DLC1: variants seen among roughly 807,000 people sequenced by gnomAD.
The protein encoded by DLC1 is rho GTPase-activating protein 7.
Under a neutral mutation model 140.3 loss-of-function variants are expected in DLC1, and 54 were observed. That is an observed-to-expected ratio of 0.38 (90% CI 0.31 to 0.48). DLC1 has a LOEUF of 0.48. DLC1 is among the 20% of genes least tolerant of loss of function. The probability of loss-of-function intolerance (pLI) is 0.96; values close to 1 mark genes in which losing one functional copy is unlikely to be tolerated. For synonymous variants in DLC1, 986 were observed against 728.1 expected (o/e 1.35, Z -5.70); for missense variants, 2,536 against 1,907.0 (o/e 1.33, Z -6.14).
chr8:13,196,458 AC>A (rs34824878), intron 5 of DLC1, among the ~76,000 whole-genome samples: 2,495 of 152,286 alleles, frequency 0.016, 20 homozygotes, highest in Middle Eastern at 0.034. Flanking sequence ...TCATTACTGC[AC>A]ATAGGCCATT....
At chr8:13,285,638 G>T (rs1829951617) in intron 5 of DLC1, among the ~76,000 whole-genome samples, 1 of 152,108 alleles carries the variant, frequency 6.6e-6, no homozygotes, top group Non-Finnish European at 1.5e-5. Flanking sequence ...AAATTAAAAA[G>T]ACTGACCATA....
chr8:13,167,065 GA>G (rs34838351), intron 5 of DLC1, among the ~76,000 whole-genome samples: 2 of 152,152 alleles, frequency 1.3e-5, no homozygotes, highest in Admixed American at 6.5e-5. Flanking sequence ...GAATGAACAT[GA>G]AAAAGGCCCT....
intron 5 of DLC1, among the ~76,000 whole-genome samples, chr8:13,173,032 C>T (rs1255547541): frequency 6.6e-6 from 1 of 152,184 alleles, no homozygotes; most frequent in African/African-American, 2.4e-5. Flanking sequence ...TTTGTCCTGG[C>T]ACAGTTAGGA....
chr8:13,107,950 G>A (rs1028916602), intron 7 of DLC1, among the ~76,000 whole-genome samples: 1 of 152,114 alleles, frequency 6.6e-6, no homozygotes, highest in Non-Finnish European at 1.5e-5. Context: ...GGGGGCTGAG[G>A]CAGAGAATTG....
chr8:13,188,608 T>TC (rs1346387937), intron 5 of DLC1, among the ~76,000 whole-genome samples: 2 of 140,934 alleles, frequency 1.4e-5, no homozygotes, highest in East Asian at 4.0e-4. Context: ...TATTACTTTT[T>TC]TTTTTTTTTT....
At chr8:13,480,170 C>A (rs1481695) in intron 2 of DLC1, among the ~76,000 whole-genome samples, 137,848 of 152,206 alleles carry the variant, frequency 0.91, 62,992 homozygotes, top group Non-Finnish European at 0.97. Context: ...AAATATCATC[C>A]AGTTTCTCAA....
chr8:13,226,413 A>G (rs1027706775), intron 5 of DLC1, among the ~76,000 whole-genome samples: 10 of 152,224 alleles, frequency 6.6e-5, no homozygotes, highest in African/African-American at 2.2e-4. Flanking sequence ...ACAGAGATCT[A>G]TCCTATTGCT....
chr8:13,115,557 AC>A, intron 6 of DLC1, 28 bp downstream of exon 6: 1 of 1,602,886 alleles, frequency 6.2e-7, no homozygotes, highest in Non-Finnish European at 8.5e-7. Context: ...GATTATGCCA[AC>A]TTTTAAAAAG....
At chr8:13,148,170 A>C (rs1440190549) in intron 5 of DLC1, among the ~76,000 whole-genome samples, 1 of 151,964 alleles carries the variant, frequency 6.6e-6, no homozygotes, top group African/African-American at 2.4e-5. Flanking sequence ...GACATAGGTA[A>C]ACTTGTTACA....
At chr8:13,584,437 T>C (rs1805231531) in intron 1 of DLC1, 1 of 152,548 alleles carries the variant, frequency 6.6e-6, no homozygotes, top group Non-Finnish European at 1.5e-5. Flanking sequence ...GTGTTGATCA[T>C]TTCTTGGAGA....
At chr8:13,408,404 T>G (rs289605) in intron 2 of DLC1, among the ~76,000 whole-genome samples, 140,860 of 152,250 alleles carry the variant, frequency 0.93, 65,297 homozygotes, top group East Asian at 0.97. Context: ...TTAAGACATG[T>G]TGAAGAAAAT....
In DLC1 at chr8:13,501,419, A is replaced by T. The variant is rs1015215786; in HGVS notation, c.-125-1223T>A. Among the ~76,000 whole-genome samples, 3 of 152,310 alleles carry T rather than the reference A, an allele frequency of 2.0e-5. No homozygotes were observed. The East Asian group carries it at 5.8e-4, about 29-fold the overall frequency. ...ACTATATTATTGGACTGTAAAAGAA[A>T]AATCCCATTCACAGAGCAGACACTT... On this transcript the variant is annotated intron_variant, in intron 1 of 17. Coordinates refer to ENST00000276297, the MANE Select transcript of DLC1 (RefSeq NM_182643.3).
In DLC1 at chr8:13,359,005, C is replaced by G. The variant is rs539881540; in HGVS notation, c.1314+34548G>C. 3.4e-4 allele frequency among the ~76,000 whole-genome samples: 51 copies of G among 152,184 alleles called. No homozygotes were observed. The South Asian group carries it at 7.0e-3, about 21-fold the overall frequency. On this transcript the variant is annotated intron_variant, in intron 4 of 17. Coordinates refer to ENST00000276297, the MANE Select transcript of DLC1 (RefSeq NM_182643.3). ...CCACGCTGGAGTGCAGTGGCGCGAT[C>G]TAGGCTCACTGCAAGCTCCGCGTCC...
intron 2 of DLC1, among the ~76,000 whole-genome samples, chr8:13,439,631 G>A (rs1307788993): frequency 2.0e-5 from 3 of 151,832 alleles, no homozygotes; most frequent in Non-Finnish European, 4.4e-5. Context: ...TCCTTTCATC[G>A]ATAAAATCTA....
chr8:13,100,300 G>C lies in DLC1; in HGVS notation c.2037C>G (p.Ser679=). 2 of 1,614,104 alleles carry C rather than the reference G, an allele frequency of 1.2e-6. No homozygotes were observed. The highest frequency in any genetic ancestry group is 8.5e-7 in the Non-Finnish European group (1 of 1,180,046). The change falls in exon 9 of 18, where the codon TCC becomes TCG. Residue 679 remains serine, a synonymous_variant. Transcript: ENST00000276297. ...KRMESLKLKS[S]HHSKHKAPSK... ...AGGGCGCTTTGTGCTTGCTGTGATG[G>C]GAGCTCTTGAGCTTCAGGCTCTCCA...
intron 4 of DLC1, among the ~76,000 whole-genome samples, chr8:13,390,375 C>T (rs1282016044): frequency 2.6e-5 from 4 of 152,140 alleles, no homozygotes; most frequent in Non-Finnish European, 2.9e-5. Flanking sequence ...CATTGATGGG[C>T]ATTCGGGTTG....
chr8:13,197,949 T>A (rs563398477), intron 5 of DLC1, among the ~76,000 whole-genome samples: 40 of 152,214 alleles, frequency 2.6e-4, no homozygotes, highest in Admixed American at 1.0e-3. Flanking sequence ...AGTATTTCAT[T>A]TAAAGTGAAA....
intron 5 of DLC1, among the ~76,000 whole-genome samples, chr8:13,159,707 C>A (rs1824532233): frequency 6.6e-6 from 1 of 152,112 alleles, no homozygotes; most frequent in Non-Finnish European, 1.5e-5. Context: ...GCATCCAGGG[C>A]AAAGTCTGTC....
chr8:13,177,260 C>A (rs771721156), intron 5 of DLC1, among the ~76,000 whole-genome samples: 1 of 152,018 alleles, frequency 6.6e-6, no homozygotes, highest in Admixed American at 6.5e-5. Flanking sequence ...TGTGAAACTT[C>A]ATAATGTATT....
Sources: allele counts gnomAD v4.1 joint callset (sites outside exome capture counted in the v4.1 genomes callset), GRCh38; gene constraint gnomAD v4.1.1; transcripts MANE v1.5; gene names NCBI Gene and HGNC (gene_info 2026-07-23, HGNC 2026-07-21).